SPAG17: variants seen among roughly 807,000 people sequenced by gnomAD.
SPAG17 encodes sperm associated antigen 17.
SPAG17 carries 169 observed loss-of-function variants against 273.6 expected under a neutral mutation model. That is an observed-to-expected ratio of 0.62 (90% CI 0.55 to 0.70). SPAG17 has a LOEUF of 0.70. Ranked by LOEUF, SPAG17 falls within the 30% of genes least tolerant of loss-of-function variation. The pLI, the probability that SPAG17 is intolerant of heterozygous loss-of-function variation, is 0.00. For missense variants in SPAG17, 2,557 were observed against 2,627.8 expected (o/e 0.97, Z 0.59); for synonymous variants, 825 against 873.2 (o/e 0.94, Z 0.97).
chr1:118,055,450 T>C (rs1651561760), intron 19 of SPAG17, among the ~76,000 whole-genome samples: 2 of 152,206 alleles, frequency 1.3e-5, no homozygotes, highest in Admixed American at 6.5e-5. Flanking sequence ...TAAAGGCATT[T>C]GGCATTTCTC....
At chr1:118,135,399 G>A (rs932720420) in intron 3 of SPAG17, among the ~76,000 whole-genome samples, 7 of 150,842 alleles carry the variant, frequency 4.6e-5, no homozygotes, top group African/African-American at 1.5e-4. Context: ...GTGTGTGTGT[G>A]TGTGTGTGTG....
chr1:118,145,845 A>G (rs1658955611), intron 3 of SPAG17, among the ~76,000 whole-genome samples: 1 of 152,288 alleles, frequency 6.6e-6, no homozygotes, highest in East Asian at 1.9e-4. Context: ...CATCAACTAG[A>G]GCATAAGAAC....
intron 18 of SPAG17, among the ~76,000 whole-genome samples, chr1:118,064,464 T>G (rs1478918660): frequency 6.6e-6 from 1 of 151,350 alleles, no homozygotes; most frequent in East Asian, 2.0e-4. Context: ...GAAACCATCA[T>G]TCTCAGCAAA....
In SPAG17 at chr1:117,984,657, G is replaced by T. The variant is rs146087525; in HGVS notation, c.5769+26C>A. ...ACCAAATTTATAAAAACTTTTATTA[G>T]ATTATAGTTCATTATATTCAATTAC... On this transcript the variant is annotated intron_variant, in intron 41 of 48. Coordinates refer to ENST00000336338, the MANE Select transcript of SPAG17 (RefSeq NM_206996.4). 1,158 of 1,404,714 alleles carry T rather than the reference G, an allele frequency of 8.2e-4. 17 individuals are homozygous for T. In the East Asian group the frequency reaches 0.016, roughly 19 times the overall value. 87.0% of individuals were successfully genotyped at this position (1,404,714 alleles called of 1,614,324 possible). A position where few individuals can be genotyped will look rare whatever the true frequency, so the allele number is the denominator to read the frequency against.
At chr1:118,148,032 G>C (rs147882445) in intron 3 of SPAG17, among the ~76,000 whole-genome samples, 167 of 152,290 alleles carry the variant, frequency 1.1e-3, no homozygotes, top group African/African-American at 3.2e-3. Context: ...GTGTTTAAAT[G>C]CATGGCTGTT....
At chr1:118,170,940 A>G (rs75516656) in intron 1 of SPAG17, among the ~76,000 whole-genome samples, 1,652 of 152,352 alleles carry the variant, frequency 0.011, 29 homozygotes, top group African/African-American at 0.031. Flanking sequence ...AAGGGATTAC[A>G]GATGGTCACT....
chr1:118,048,027 C>T (rs938860751), intron 20 of SPAG17, among the ~76,000 whole-genome samples: 4 of 152,178 alleles, frequency 2.6e-5, no homozygotes, highest in Middle Eastern at 3.4e-3. Flanking sequence ...GAGTCAGGTG[C>T]AGGCTGGCTA....
chr1:118,114,678 A>G (rs1443225565), intron 4 of SPAG17, among the ~76,000 whole-genome samples: 1 of 152,216 alleles, frequency 6.6e-6, no homozygotes, highest in African/African-American at 2.4e-5. Flanking sequence ...ATGGTAGCAC[A>G]TGGATGTGAA....
chr1:117,989,772 G>T lies in SPAG17; in HGVS notation c.5521+1089C>A, dbSNP rs554023059. 9.5e-4 allele frequency among the ~76,000 whole-genome samples: 144 copies of T among 151,968 alleles called. 3 individuals carry two copies. In the East Asian group the frequency reaches 0.013, roughly 14 times the overall value. ...TTTTTGTATTTTCCATAGAGATGGG[G>T]TTTCGCCATGTTGCCCAGGCTGGTC... On this transcript the variant is annotated intron_variant, in intron 38 of 48. Coordinates refer to ENST00000336338, the MANE Select transcript of SPAG17 (RefSeq NM_206996.4).
intron 43 of SPAG17, among the ~76,000 whole-genome samples, chr1:117,978,898 G>A (rs950566738): frequency 3.5e-5 from 5 of 144,020 alleles, no homozygotes; most frequent in African/African-American, 7.9e-5. Context: ...ACGGAGTTTC[G>A]CTCTTGTTGC....
intron 1 of SPAG17, among the ~76,000 whole-genome samples, chr1:118,174,503 G>A (rs1467841963): frequency 6.6e-6 from 1 of 152,208 alleles, no homozygotes; most frequent in Non-Finnish European, 1.5e-5. Flanking sequence ...AGGCAGACCA[G>A]TAGATGCATA....
At chr1:118,109,157 T>C (rs1241504957) in intron 4 of SPAG17, among the ~76,000 whole-genome samples, 1 of 151,760 alleles carries the variant, frequency 6.6e-6, no homozygotes, top group African/African-American at 2.4e-5. Context: ...TCTTTTTTTT[T>C]TTTGAGACGG....
intron 24 of SPAG17, among the ~76,000 whole-genome samples, chr1:118,034,664 G>A (rs1648865350): frequency 6.6e-6 from 1 of 152,182 alleles, no homozygotes; most frequent in Non-Finnish European, 1.5e-5. Flanking sequence ...GAGAAAATGG[G>A]CAGATGTAAG....
chr1:118,132,213 G>T (rs554765793), intron 3 of SPAG17, among the ~76,000 whole-genome samples: 1 of 152,180 alleles, frequency 6.6e-6, no homozygotes, highest in Non-Finnish European at 1.5e-5. Flanking sequence ...ATCAGTGGGG[G>T]TGGCTATGAC....
At chr1:117,967,785 G>C (rs1374633410) in intron 46 of SPAG17, among the ~76,000 whole-genome samples, 1 of 152,228 alleles carries the variant, frequency 6.6e-6, no homozygotes, top group African/African-American at 2.4e-5. Flanking sequence ...CCAGCAAAGA[G>C]AGAGCTATTT....
At chr1:117,957,821 G>A (rs981579267) in intron 48 of SPAG17, among the ~76,000 whole-genome samples, 10 of 152,194 alleles carry the variant, frequency 6.6e-5, no homozygotes, top group African/African-American at 2.4e-4. Context: ...TTTAGTGTAA[G>A]CTAACAGGTT....
intron 15 of SPAG17, among the ~76,000 whole-genome samples, chr1:118,075,857 C>T (rs1396049153): frequency 6.6e-6 from 1 of 152,066 alleles, no homozygotes; most frequent in African/African-American, 2.4e-5. Flanking sequence ...CAGACCCTGA[C>T]TTCATTCATA....
intron 29 of SPAG17, 90 bp from the exon 30 acceptor site, chr1:118,012,462 C>A: frequency 2.2e-6 from 3 of 1,394,210 alleles, no homozygotes; most frequent in Non-Finnish European, 1.9e-6. Flanking sequence ...AAGATGGCAC[C>A]ATCAAAGTCC....
Position 117,994,507 on chromosome 1 carries a change from G to A in SPAG17, c.5077C>T (p.Arg1693Cys), listed in dbSNP as rs369196266. ...QPGTLTITVL[R>C]PFHEASPWQV... ...CATGGTGATGCTTCATGGAAAGGGC[G>A]AAGGACTGTGATGGTTAGGGTGCCT... is the stretch of plus-strand genomic sequence containing the variant. The change falls in exon 35 of 49, where the codon CGC becomes TGC. Residue 1693 changes from arginine (R) to cysteine (C), a missense_variant. Transcript: ENST00000336338. 23 of 1,611,978 alleles carry A rather than the reference G, an allele frequency of 1.4e-5. No homozygotes were observed. The highest frequency in any genetic ancestry group is 6.6e-5 in the South Asian group (6 of 90,878).
Sources: gnomAD v4.1 joint callset for allele counts (sites outside exome capture counted in the v4.1 genomes callset) on GRCh38, gnomAD v4.1.1 for gene constraint, MANE v1.5 for transcripts, NCBI Gene and HGNC (gene_info 2026-07-23, HGNC 2026-07-21) for gene names.